The following NBPF9 variants were observed in gnomAD, a reference collection of about 807,000 sequenced individuals.
The protein encoded by NBPF9 is NBPF family member NBPF9.
Under a neutral mutation model 97.8 loss-of-function variants are expected in NBPF9, and 91 were observed. The ratio of observed to expected loss-of-function variants is 0.93; its 90% CI spans 0.79 to 1.11. The LOEUF (loss-of-function observed/expected upper bound fraction) is 1.11. Among genes scored for constraint, NBPF9 ranks in the 50% least tolerant of loss-of-function variants. The probability of loss-of-function intolerance (pLI) is 0.00; values close to 1 mark genes in which losing one functional copy is unlikely to be tolerated. For synonymous variants in NBPF9, 334 were observed against 359.5 expected, an observed-to-expected ratio of 0.93 and a Z score of 0.80; for missense variants, 992 against 939.5, an observed-to-expected ratio of 1.06 and a Z score of -0.73.
chr1:149,081,678 A>C (rs1366147707), intron 7 of NBPF9, among the ~76,000 whole-genome samples: 1 of 145,164 alleles, frequency 6.9e-6, no homozygotes, highest in African/African-American at 2.6e-5. Context: ...TCTTGAAAAC[A>C]TGATTGAGCC....
chr1:149,076,659 C>A (rs1365355508), intron 11 of NBPF9, among the ~76,000 whole-genome samples: 1 of 147,064 alleles, frequency 6.8e-6, no homozygotes, highest in Non-Finnish European at 1.5e-5. Flanking sequence ...CCCACCACCA[C>A]GCCCAGCTAT....
chr1:149,074,486 A>G (rs1162312570), intron 12 of NBPF9, among the ~76,000 whole-genome samples: 1 of 151,610 alleles, frequency 6.6e-6, no homozygotes, highest in Non-Finnish European at 1.5e-5. Context: ...ACTAATAGAT[A>G]GTGTTTACTC....
chr1:149,078,174 T>C (rs1357820179), intron 9 of NBPF9, among the ~76,000 whole-genome samples: 19 of 150,898 alleles, frequency 1.3e-4, no homozygotes, highest in Non-Finnish European at 2.1e-4. Flanking sequence ...GGCCAAATAC[T>C]GAAAAGACCT....
At chr1:149,053,648 TA>T (rs1310707482), downstream of NBPF9, among the ~76,000 whole-genome samples, 2 of 139,028 alleles carry the variant, frequency 1.4e-5, no homozygotes, top group Non-Finnish European at 3.0e-5. Flanking sequence ...ATGTCACCGG[TA>T]TATGTTTAGG....
chr1:149,062,656 G>A (rs1553650392), intron 21 of NBPF9, among the ~76,000 whole-genome samples: 1 of 148,688 alleles, frequency 6.7e-6, no homozygotes, highest in African/African-American at 2.5e-5. Context: ...TTTGAGGTAT[G>A]GTCAACCTAT....
intron 4 of NBPF9, among the ~76,000 whole-genome samples, chr1:149,097,476 C>T (rs587599865): frequency 3.9e-5 from 6 of 152,190 alleles, no homozygotes; most frequent in African/African-American, 9.7e-5. Flanking sequence ...AACACCAGGC[C>T]GCAACCTTCC....
chr1:149,098,985 C>A (rs1458622931), intron 3 of NBPF9, among the ~76,000 whole-genome samples: 7 of 142,342 alleles, frequency 4.9e-5, no homozygotes, highest in Non-Finnish European at 9.1e-5. Flanking sequence ...AAGGTTGAGG[C>A]AGGAGGATTC....
At chr1:149,069,134 GA>G (rs1170066011) in intron 17 of NBPF9, among the ~76,000 whole-genome samples, 2 of 151,738 alleles carry the variant, frequency 1.3e-5, no homozygotes. Flanking sequence ...TGTGTAGAGG[GA>G]AAATTATAGC....
rs1553649067 is a variant in NBPF9 at position 149,056,621 on chromosome 1, C to A, written c.2984-1G>T. 8.7e-6 allele frequency: 1 copy of A among 114,980 alleles called. No individual in the cohort carries two copies. Among genetic ancestry groups the A allele is most frequent in the Admixed American group, 2.4e-4 (1 of 4,246 alleles). 7.1% of individuals were successfully genotyped at this position (114,980 alleles called of 1,614,324 possible). A position where few individuals can be genotyped will look rare whatever the true frequency, so the allele number is the denominator to read the frequency against. ...TTCCCCTTCCCCTTCTTTTCAATTTCTGCAATAAATTCAGACATGGACAGA... is the reference window on the plus strand; with the variant it reads ...TTCCCCTTCCCCTTCTTTTCAATTTATGCAATAAATTCAGACATGGACAGA... On this transcript the variant is annotated splice_acceptor_variant, in intron 28 of 29. Transcript: ENST00000584027. LOFTEE classifies it high-confidence loss of function.
chr1:149,097,239 C>A (rs1419001867), intron 4 of NBPF9, among the ~76,000 whole-genome samples: 1 of 152,006 alleles, frequency 6.6e-6, no homozygotes, highest in East Asian at 1.9e-4. Context: ...ATGAGAACAT[C>A]CAGGGGAACT....
intron 5 of NBPF9, among the ~76,000 whole-genome samples, chr1:149,087,712 C>A (rs1156600281): frequency 2.4e-4 from 36 of 151,020 alleles, no homozygotes; most frequent in Non-Finnish European, 3.8e-4. Flanking sequence ...AACATAACAA[C>A]TCTTCTGATC....
At chr1:149,069,702 A>T in intron 16 of NBPF9, 57 bp from the exon 17 acceptor site, 1 of 831,756 alleles carries the variant, frequency 1.2e-6, no homozygotes, top group Non-Finnish European at 2.1e-6. Flanking sequence ...TCACATATGA[A>T]CAAATCACTG....
chr1:149,103,271 C>A (rs1301367830), intron 1 of NBPF9, 30 bp downstream of exon 1: 1 of 151,428 alleles, frequency 6.6e-6, no homozygotes, highest in Admixed American at 6.6e-5. Flanking sequence ...CCGGACTCAC[C>A]GCCCGCCCGG....
Position 149,077,458 on chromosome 1 carries a change from A to G in NBPF9, c.567-39T>C, listed in dbSNP as rs1326946262. On this transcript the variant is annotated intron_variant, in intron 10 of 29. Transcript: ENST00000584027. ...TGGGACAGAGATGACAGAAGATTAA[A>G]CACAGAGGGATTGGACCCCAGGGAG... is the stretch of plus-strand genomic sequence containing the variant. 43 of 1,602,234 alleles carry G rather than the reference A, an allele frequency of 2.7e-5. No homozygotes were observed. The Admixed American group carries it at 4.5e-4, about 17-fold the overall frequency.
At chr1:149,076,571 C>T (rs372825210) in intron 11 of NBPF9, among the ~76,000 whole-genome samples, 1 of 149,396 alleles carries the variant, frequency 6.7e-6, no homozygotes, top group Non-Finnish European at 1.5e-5. Flanking sequence ...GGCACAATCT[C>T]GGCTCACTGC....
At chr1:149,080,712 C>T (rs1444877522) in intron 7 of NBPF9, among the ~76,000 whole-genome samples, 1 of 136,958 alleles carries the variant, frequency 7.3e-6, no homozygotes, top group Non-Finnish European at 1.6e-5. Context: ...GGAAATATGC[C>T]CAAATACTTT....
chr1:149,085,396 G>A, intron 5 of NBPF9, among the ~76,000 whole-genome samples: 1 of 152,138 alleles, frequency 6.6e-6, no homozygotes, highest in Non-Finnish European at 1.5e-5. Flanking sequence ...ATCTAGCAGA[G>A]TAAGTCCTCC....
chr1:149,077,642 G>A (rs1212192632), intron 10 of NBPF9, among the ~76,000 whole-genome samples: 41 of 152,296 alleles, frequency 2.7e-4, no homozygotes, highest in South Asian at 1.5e-3. Context: ...CAGTGCACTG[G>A]ACAGATAGGA....
At chr1:149,084,375 A>G (rs1307596083) in intron 5 of NBPF9, among the ~76,000 whole-genome samples, 7 of 147,672 alleles carry the variant, frequency 4.7e-5, no homozygotes, top group Non-Finnish European at 7.4e-5. Context: ...ACGTGTGTAT[A>G]TATAATACGT....
Sources: gnomAD v4.1 joint callset for allele counts (sites outside exome capture counted in the v4.1 genomes callset) on GRCh38, gnomAD v4.1.1 for gene constraint, MANE v1.5 for transcripts, NCBI Gene and HGNC (gene_info 2026-07-23, HGNC 2026-07-21) for gene names.